PSPH: variants seen among roughly 807,000 people sequenced by gnomAD.
PSPH encodes phosphoserine phosphatase.
PSPH carries 16 observed loss-of-function variants against 23.4 expected under a neutral mutation model. The ratio of observed to expected loss-of-function variants is 0.68; its 90% CI spans 0.46 to 1.04. PSPH has a LOEUF of 1.04. Among genes scored for constraint, PSPH ranks in the 50% least tolerant of loss-of-function variants. The probability of loss-of-function intolerance (pLI) is 0.00; values close to 1 mark genes in which losing one functional copy is unlikely to be tolerated. For synonymous variants in PSPH, 68 were observed against 99.7 expected (o/e 0.68, Z 1.89); for missense variants, 223 against 273.7 (o/e 0.81, Z 1.31).
chr7:56,021,040 T>C, intron 4 of PSPH, 33 bp downstream of exon 4: 1 of 1,613,992 alleles, frequency 6.2e-7, no homozygotes, highest in Non-Finnish European at 8.5e-7. Context: ...AAAGTCTTTA[T>C]CATTTCATAA....
intron 1 of PSPH, among the ~76,000 whole-genome samples, chr7:56,048,576 G>C (rs1793555500): frequency 6.6e-6 from 1 of 152,156 alleles, no homozygotes; most frequent in Non-Finnish European, 1.5e-5. Flanking sequence ...GGTTAAATGT[G>C]ATGTTTACAC....
intron 6 of PSPH, among the ~76,000 whole-genome samples, chr7:56,016,855 GCGTGAGCCAC>G (rs1788625556): frequency 1.3e-5 from 2 of 152,068 alleles, no homozygotes; most frequent in South Asian, 4.1e-4. Context: ...GAGATTACAG[GCGTGAGCCAC>G]CGTGCCCAGC....
At chr7:56,035,017 G>C (rs1791550761) in intron 1 of PSPH, among the ~76,000 whole-genome samples, 1 of 152,048 alleles carries the variant, frequency 6.6e-6, no homozygotes, top group African/African-American at 2.4e-5. Context: ...GATTACAGAT[G>C]TGAGATACCG....
At position 56,011,216 on chromosome 7, in the gene PSPH, A is replaced by G. The variant is rs1787880646; in HGVS notation, c.*546T>C. ...GAAATATAGCTACAAATATACATAAAGAATTCAGATCACAAAACTCTCTAG... is the reference window on the plus strand; with the variant it reads ...GAAATATAGCTACAAATATACATAAGGAATTCAGATCACAAAACTCTCTAG... On this transcript the variant is annotated 3_prime_UTR_variant, in exon 8 of 8. Transcript: ENST00000275605. 6.5e-6 allele frequency: 1 copy of G among 152,780 alleles called. No individual in the cohort carries two copies. Among genetic ancestry groups the G allele is most frequent in the Non-Finnish European group, 1.5e-5 (1 of 68,172 alleles). 9.5% of individuals were successfully genotyped at this position (152,780 alleles called of 1,614,324 possible).
chr7:56,045,976 T>C (rs1294299401), intron 1 of PSPH, among the ~76,000 whole-genome samples: 2 of 150,752 alleles, frequency 1.3e-5, no homozygotes, highest in African/African-American at 4.9e-5. Flanking sequence ...GTGTGGGCAG[T>C]AGGATATTTG....
intron 5 of PSPH, among the ~76,000 whole-genome samples, chr7:56,018,381 T>C (rs1055730024): frequency 4.7e-5 from 7 of 150,482 alleles, no homozygotes; most frequent in Admixed American, 1.3e-4. Flanking sequence ...ATGGGTAGGG[T>C]TTGTCTGCTT....
At chr7:56,048,363 C>T (rs995872229) in intron 1 of PSPH, among the ~76,000 whole-genome samples, 6 of 150,796 alleles carry the variant, frequency 4.0e-5, no homozygotes, top group African/African-American at 1.5e-4. Flanking sequence ...AATAACTGGC[C>T]AGTATTCAAA....
chr7:56,050,456 G>A (rs1584534945), intron 1 of PSPH, among the ~76,000 whole-genome samples: 1 of 152,074 alleles, frequency 6.6e-6, no homozygotes, highest in African/African-American at 2.4e-5. Context: ...TGTATAGATG[G>A]AGTCTCGCTA....
intron 1 of PSPH, among the ~76,000 whole-genome samples, chr7:56,034,601 C>T (rs1301152529): frequency 6.6e-6 from 1 of 152,086 alleles, no homozygotes; most frequent in African/African-American, 2.4e-5. Flanking sequence ...CTGCAAGCTC[C>T]GCCTCCTGGA....
chr7:56,023,098 A>C (rs1789691371), intron 3 of PSPH, among the ~76,000 whole-genome samples: 1 of 151,946 alleles, frequency 6.6e-6, no homozygotes, highest in Non-Finnish European at 1.5e-5. Context: ...TCCAGGGAGA[A>C]TAGAGAGAGG....
rs147984357 is a variant in PSPH at position 56,027,098 on chromosome 7, A to C, written c.-20+4831T>G. On this transcript the variant is annotated intron_variant, in intron 3 of 7. Coordinates refer to ENST00000275605, the MANE Select transcript of PSPH (RefSeq NM_004577.4). ...TACATGCCTGTCATCCCAGCTACTC[A>C]GGAGGCTGAGGCAAGAGAATCGCTT... Among the ~76,000 whole-genome samples the C allele has an allele frequency of 9.9e-3, 1,511 of 152,068 alleles. 9 individuals carry two copies. Among genetic ancestry groups the C allele is most frequent in the Non-Finnish European group, 0.014 (940 of 67,986 alleles).
intron 1 of PSPH, among the ~76,000 whole-genome samples, chr7:56,047,759 TG>T (rs1793446969): frequency 6.6e-6 from 1 of 151,370 alleles, no homozygotes; most frequent in South Asian, 2.1e-4. Context: ...CTCCACCTCC[TG>T]GGTTCAAGTG....
chr7:56,020,850 A>G (rs1454756131), intron 4 of PSPH, among the ~76,000 whole-genome samples: 1 of 151,600 alleles, frequency 6.6e-6, no homozygotes, highest in Non-Finnish European at 1.5e-5. Context: ...TTCTTTAGTT[A>G]GTGACGGTTG....
In PSPH at chr7:56,011,252, G is replaced by A. The variant is rs1787883443; in HGVS notation, c.*510C>T. 6.5e-6 allele frequency: 1 copy of A among 153,144 alleles called. No homozygotes were observed. Among genetic ancestry groups the A allele is most frequent in the Non-Finnish European group, 1.5e-5 (1 of 68,504 alleles). The allele number at this position is 153,144 out of a possible 1,614,324, so 9.5% of individuals were successfully genotyped here. ...CACAAAACTCTCTAGGACATTGGCTGGGCGCGGTGGCCCAAGCCTGTAATC... is the reference window on the plus strand; with the variant it reads ...CACAAAACTCTCTAGGACATTGGCTAGGCGCGGTGGCCCAAGCCTGTAATC... On this transcript the variant is annotated 3_prime_UTR_variant, in exon 8 of 8. Coordinates refer to ENST00000275605, the MANE Select transcript of PSPH (RefSeq NM_004577.4).
At chr7:56,014,964 A>G (rs561895720) in intron 7 of PSPH, 59 bp downstream of exon 7, 1 of 1,450,764 alleles carries the variant, frequency 6.9e-7, no homozygotes, top group African/African-American at 1.4e-5. Context: ...AAGAAATAAT[A>G]AATAAATAAA....
Position 56,021,054 on chromosome 7 carries a change from G to T in PSPH, c.140+19C>A, listed in dbSNP as rs962491483. 2 of 1,614,176 alleles carry T rather than the reference G, an allele frequency of 1.2e-6. No individual in the cohort carries two copies. Among genetic ancestry groups the T allele is most frequent in the South Asian group, 1.1e-5 (1 of 91,074 alleles). ...GAAAGTCTTTATCATTTCATAAAGT[G>T]AATAAATGCTATCCCTACATTTCTG... On this transcript the variant is annotated intron_variant, in intron 4 of 7. Transcript: ENST00000275605.
At chr7:56,032,543 C>T (rs1221606599) in intron 2 of PSPH, among the ~76,000 whole-genome samples, 1 of 149,408 alleles carries the variant, frequency 6.7e-6, no homozygotes, top group Non-Finnish European at 1.5e-5. Flanking sequence ...ACCTGTAGTC[C>T]CAGCTACTCG....
chr7:56,035,980 G>A (rs1263535368), intron 1 of PSPH, among the ~76,000 whole-genome samples: 1 of 151,038 alleles, frequency 6.6e-6, no homozygotes, highest in Non-Finnish European at 1.5e-5. Context: ...TGTAATCTCA[G>A]CACTTTGGGA....
intron 4 of PSPH, among the ~76,000 whole-genome samples, chr7:56,020,271 T>C (rs1209129073): frequency 3.2e-3 from 329 of 103,546 alleles, no homozygotes; most frequent in African/African-American, 0.017. Context: ...TTGCAAGCTG[T>C]GAGCTGTCAT....
Sources: gnomAD v4.1 joint callset for allele counts (sites outside exome capture counted in the v4.1 genomes callset) on GRCh38, gnomAD v4.1.1 for gene constraint, MANE v1.5 for transcripts, NCBI Gene and HGNC (gene_info 2026-07-23, HGNC 2026-07-21) for gene names.